The following MAP2K5 variants were observed in gnomAD, a reference collection of about 807,000 sequenced individuals.
The protein encoded by MAP2K5 is dual specificity mitogen-activated protein kinase kinase 5.
A neutral mutation model predicts 83.1 loss-of-function variants in MAP2K5; 49 were observed. The ratio of observed to expected loss-of-function variants is 0.59; its 90% CI spans 0.47 to 0.75. The LOEUF (loss-of-function observed/expected upper bound fraction) is 0.75. Ranked by LOEUF, MAP2K5 falls within the 30% of genes least tolerant of loss-of-function variation. MAP2K5 has a pLI of 0.00. For synonymous variants in MAP2K5, 202 were observed against 191.8 expected, an observed-to-expected ratio of 1.05 and a Z score of -0.44; for missense variants, 457 against 557.5, an observed-to-expected ratio of 0.82 and a Z score of 1.82.
At position 67,760,909 on chromosome 15, in the gene MAP2K5, G is replaced by A. The variant is rs1158773682; in HGVS notation, c.1135-8693G>A. 6.6e-6 allele frequency among the ~76,000 whole-genome samples: 1 copy of A among 152,046 alleles called. No homozygotes were observed. Among genetic ancestry groups the A allele is most frequent in the Non-Finnish European group, 1.5e-5 (1 of 68,016 alleles). On this transcript the variant is annotated intron_variant, in intron 19 of 21. Transcript: ENST00000178640. This position sits in a 1 kb window ranked among gnomAD's most constrained non-coding sequence, Gnocchi z 4.1. ...TCAGTTACCCAGCAGCTTGGGCTGG[G>A]GGCACTGCTCTGCTTCACTGCCGAG...
At chr15:67,574,005 A>G (rs2085001048) in intron 3 of MAP2K5, among the ~76,000 whole-genome samples, 1 of 152,178 alleles carries the variant, frequency 6.6e-6, no homozygotes, top group South Asian at 2.1e-4. Flanking sequence ...TGGTGGAGCC[A>G]TTCTTTTATT....
chr15:67,762,257 C>G (rs1296975040), intron 19 of MAP2K5, among the ~76,000 whole-genome samples: 2 of 152,096 alleles, frequency 1.3e-5, no homozygotes, highest in Admixed American at 6.5e-5. Flanking sequence ...TTTTTTGCTG[C>G]TCTGCCTAAG....
chr15:67,626,382 C>A (rs960906773), intron 8 of MAP2K5, among the ~76,000 whole-genome samples: 2 of 152,042 alleles, frequency 1.3e-5, no homozygotes, highest in Non-Finnish European at 2.9e-5. Context: ...AAAAAATTAG[C>A]CAGGTGTGGT....
chr15:67,543,048 C>T lies in MAP2K5; in HGVS notation c.-288C>T, dbSNP rs889000223. ...GCAGAGACCTTCACCATAGCGTTCG[C>T]TCAACTCCAGAACCTTCCGACCTCC... On this transcript the variant is annotated 5_prime_UTR_variant, in exon 1 of 22. Coordinates refer to ENST00000178640, the MANE Select transcript of MAP2K5 (RefSeq NM_145160.3). This position sits in a 1 kb window ranked among gnomAD's most constrained non-coding sequence, Gnocchi z 4.3. 3.3e-4 allele frequency: 153 copies of T among 462,178 alleles called. 1 individual carries two copies. In the Middle Eastern group the frequency reaches 4.2e-3, roughly 13 times the overall value. The allele number at this position is 462,178 out of a possible 1,614,324, so 28.6% of individuals were successfully genotyped here.
chr15:67,697,606 G>T (rs1264819227), intron 15 of MAP2K5, among the ~76,000 whole-genome samples: 2 of 152,208 alleles, frequency 1.3e-5, no homozygotes, highest in African/African-American at 4.8e-5. Flanking sequence ...AGTGCCAGAT[G>T]AATGAATTAG....
intron 17 of MAP2K5, among the ~76,000 whole-genome samples, chr15:67,737,568 A>G (rs1344041560): frequency 1.3e-5 from 2 of 152,122 alleles, no homozygotes; most frequent in East Asian, 1.9e-4. Flanking sequence ...GAAAAAATCA[A>G]TGAGTTGCCT....
At chr15:67,578,533 T>C (rs1239204716) in intron 3 of MAP2K5, among the ~76,000 whole-genome samples, 2 of 152,150 alleles carry the variant, frequency 1.3e-5, no homozygotes, top group East Asian at 1.9e-4. Context: ...GGAGAAAATA[T>C]ACTTGGATTT....
chr15:67,739,455 TATATATA>T (rs1267132145), intron 17 of MAP2K5, among the ~76,000 whole-genome samples: 5 of 16,164 alleles, frequency 3.1e-4, no homozygotes, highest in African/African-American at 1.5e-3. Context: ...TATATATATA[TATATATA>T]TTTTTTTTTT....
At position 67,678,033 on chromosome 15, in the gene MAP2K5, T is replaced by A; in HGVS notation, c.847+13388T>A. ...ATGTGATGGAGTCATTAGAATAACT[T>A]TTATATTGCAATGTGGTTTTCTCTT... On this transcript the variant is annotated intron_variant, in intron 13 of 21. Transcript: ENST00000178640. Among the ~76,000 whole-genome samples, 2 of 152,212 alleles carry A rather than the reference T, an allele frequency of 1.3e-5. 1 individual carries two copies. Among genetic ancestry groups the A allele is most frequent in the Non-Finnish European group, 2.9e-5 (2 of 68,044 alleles).
At chr15:67,595,995 T>C (rs1245298398) in intron 7 of MAP2K5, among the ~76,000 whole-genome samples, 1 of 152,090 alleles carries the variant, frequency 6.6e-6, no homozygotes, top group Non-Finnish European at 1.5e-5. Context: ...TTTTTGTTTT[T>C]TAGATTTTAT....
In MAP2K5 at chr15:67,626,425, G is replaced by T. The variant is rs566246086; in HGVS notation, c.546-4463G>T. Reference sequence around the variant, plus strand: ...TCCTGTAATCCCAGCTCCTTGGGAGGCTGAGGCAGGAGAATTGCTTGAACC... The same window carrying T: ...TCCTGTAATCCCAGCTCCTTGGGAGTCTGAGGCAGGAGAATTGCTTGAACC... On this transcript the variant is annotated intron_variant, in intron 8 of 21. Transcript: ENST00000178640. Among the ~76,000 whole-genome samples the T allele has an allele frequency of 2.0e-4, 30 of 152,264 alleles. 2 individuals are homozygous for T. The East Asian group carries it at 5.8e-3, about 29-fold the overall frequency.
chr15:67,611,877 T>G (rs17242046), intron 8 of MAP2K5, among the ~76,000 whole-genome samples: 1 of 152,188 alleles, frequency 6.6e-6, no homozygotes, highest in Non-Finnish European at 1.5e-5. Flanking sequence ...GTACTTTGAA[T>G]TTTTATTTTG....
chr15:67,602,874 G>A (rs1222309018), intron 8 of MAP2K5, among the ~76,000 whole-genome samples: 1 of 152,062 alleles, frequency 6.6e-6, no homozygotes, highest in Non-Finnish European at 1.5e-5. Flanking sequence ...GACTGGTCTC[G>A]AGCTCCTGAC....
chr15:67,602,283 A>G (rs910316429), intron 8 of MAP2K5, among the ~76,000 whole-genome samples: 1 of 152,232 alleles, frequency 6.6e-6, no homozygotes, highest in East Asian at 1.9e-4. Flanking sequence ...AGGAACATGT[A>G]TACTCTGATT....
chr15:67,803,198 C>A (rs2090737174), intron 21 of MAP2K5, among the ~76,000 whole-genome samples: 1 of 152,208 alleles, frequency 6.6e-6, no homozygotes, highest in Non-Finnish European at 1.5e-5. Context: ...TGTAAAGCAT[C>A]ACGGATACAA....
chr15:67,566,261 G>A (rs989457820), intron 3 of MAP2K5, among the ~76,000 whole-genome samples: 52 of 152,020 alleles, frequency 3.4e-4, no homozygotes, highest in African/African-American at 1.1e-3. Flanking sequence ...TGCAACCTCC[G>A]CCTCCTGGGT....
intron 13 of MAP2K5, among the ~76,000 whole-genome samples, chr15:67,688,793 T>C (rs1384694459): frequency 6.6e-6 from 1 of 152,226 alleles, no homozygotes; most frequent in Non-Finnish European, 1.5e-5. Flanking sequence ...GCCAAAGTCA[T>C]GTGCCAAATT....
intron 17 of MAP2K5, 74 bp downstream of exon 17, chr15:67,728,019 G>A: frequency 1.7e-6 from 2 of 1,206,818 alleles, no homozygotes; most frequent in Non-Finnish European, 2.5e-6. Flanking sequence ...GAGCAATTGT[G>A]AACATTTGAG....
At chr15:67,604,043 T>C (rs1245477209) in intron 8 of MAP2K5, among the ~76,000 whole-genome samples, 1 of 152,282 alleles carries the variant, frequency 6.6e-6, no homozygotes, top group African/African-American at 2.4e-5. Flanking sequence ...AATCGTGTAA[T>C]TACAATGTAT....
Sources: gnomAD v4.1 joint callset for allele counts (sites outside exome capture counted in the v4.1 genomes callset) on GRCh38, gnomAD v4.1.1 for gene constraint, Gnocchi (gnomAD v3.1) non-coding constraint, MANE v1.5 for transcripts, NCBI Gene and HGNC (gene_info 2026-07-23, HGNC 2026-07-21) for gene names.